Variants in TSPAN14 observed in about 807,000 individuals in gnomAD.
TSPAN14 encodes tetraspanin 14.
TSPAN14 carries 16 observed loss-of-function variants against 36.6 expected under a neutral mutation model. The observed-to-expected ratio is 0.44, with a 90% CI of 0.30 to 0.66. The LOEUF (loss-of-function observed/expected upper bound fraction) is 0.66. Among genes scored for constraint, TSPAN14 ranks in the 30% least tolerant of loss-of-function variants. The pLI, the probability that TSPAN14 is intolerant of heterozygous loss-of-function variation, is 0.12. For missense variants in TSPAN14, 231 were observed against 355.1 expected (o/e 0.65, Z 2.81); for synonymous variants, 139 against 143.8 (o/e 0.97, Z 0.24).
exon 9 of TSPAN14, chr10:80,521,078 C>T (rs1332226319): frequency 2.6e-5 from 8 of 312,262 alleles, no homozygotes; most frequent in Non-Finnish European, 5.0e-5. Flanking sequence ...CACAACCTTC[C>T]TGGAACGTGG....
rs1840529182 is a variant in TSPAN14 at position 80,509,962 on chromosome 10, G to C, written c.450+491G>C. The C allele has an allele frequency of 6.2e-6, 1 of 161,874 alleles. No individual in the cohort carries two copies. The highest frequency in any genetic ancestry group is 5.8e-5 in the Admixed American group (1 of 17,202). 10.0% of individuals were successfully genotyped at this position (161,874 alleles called of 1,614,324 possible). A position where few individuals can be genotyped will look rare whatever the true frequency, so the allele number is the denominator to read the frequency against. ...GCCAGGGCTGCCTGGAGGAAGCTTT[G>C]TCAGATCTAGTGGAATGTGACCTCC... On this transcript the variant is annotated intron_variant, in intron 5 of 8. Transcript: ENST00000429989. This position sits in a 1 kb window ranked among gnomAD's most constrained non-coding sequence, Gnocchi z 4.7.
chr10:80,466,352 C>T (rs1276721246), intron 1 of TSPAN14: 1 of 152,170 alleles, frequency 6.6e-6, no homozygotes, highest in Non-Finnish European at 1.5e-5. Context: ...CTCCCAGGCT[C>T]AAGTGATCCT....
chr10:80,465,978 C>T (rs1315199455), intron 1 of TSPAN14, among the ~76,000 whole-genome samples: 1 of 152,136 alleles, frequency 6.6e-6, no homozygotes, highest in African/African-American at 2.4e-5. Context: ...GAAGGCCACT[C>T]TCACCCGCTG....
intron 2 of TSPAN14, among the ~76,000 whole-genome samples, chr10:80,496,990 C>A (rs986056369): frequency 6.6e-6 from 1 of 151,982 alleles, no homozygotes; most frequent in Non-Finnish European, 1.5e-5. Flanking sequence ...TCTTGCCTAT[C>A]TAGTAACTTT....
chr10:80,512,768 A>C (rs1178306452), intron 6 of TSPAN14, among the ~76,000 whole-genome samples: 1 of 152,114 alleles, frequency 6.6e-6, no homozygotes, highest in African/African-American at 2.4e-5. Flanking sequence ...ATCTTGGCTC[A>C]CTGGAACCTC....
intron 3 of TSPAN14, 58 bp from the exon 4 acceptor site, chr10:80,507,170 C>T: frequency 6.2e-7 from 1 of 1,602,508 alleles, no homozygotes. Flanking sequence ...TCCCCCAGGG[C>T]AGCATCCTTG....
intron 5 of TSPAN14, among the ~76,000 whole-genome samples, chr10:80,510,449 T>C (rs1840554583): frequency 6.6e-6 from 1 of 152,236 alleles, no homozygotes; most frequent in Non-Finnish European, 1.5e-5. Context: ...CTTTCTTTTC[T>C]GTTCAGTGCC....
At chr10:80,520,882 C>T (rs754988255) in exon 9 of TSPAN14, 1 of 517,216 alleles carries the variant, frequency 1.9e-6, no homozygotes, top group Non-Finnish European at 4.0e-6. Flanking sequence ...GAGGCCCAGG[C>T]TCGCCAGTTC....
chr10:80,456,926 G>A (rs4934192), intron 1 of TSPAN14, among the ~76,000 whole-genome samples: 74,544 of 151,828 alleles, frequency 0.49, 19,005 homozygotes, highest in East Asian at 0.85. Flanking sequence ...GCTGGGCGTG[G>A]TGGCACATGC....
At chr10:80,514,033 C>T in exon 7 of TSPAN14, 1 of 1,613,922 alleles carries the variant, frequency 6.2e-7, no homozygotes, top group Non-Finnish European at 8.5e-7. Context: ...AAGTTGTGAA[C>T]ACACAGTGTG....
chr10:80,480,966 C>T (rs1012834475), intron 1 of TSPAN14, among the ~76,000 whole-genome samples: 5 of 151,858 alleles, frequency 3.3e-5, no homozygotes, highest in Non-Finnish European at 5.9e-5. Context: ...ATTAGCTGGG[C>T]GTGGTGGTGC....
At chr10:80,502,287 C>T (rs980712128) in intron 2 of TSPAN14, among the ~76,000 whole-genome samples, 1 of 152,072 alleles carries the variant, frequency 6.6e-6, no homozygotes, top group Non-Finnish European at 1.5e-5. Flanking sequence ...CTGCAGAGGC[C>T]CTTGGGGGCC....
chr10:80,469,731 A>G (rs1478845025), intron 1 of TSPAN14, among the ~76,000 whole-genome samples: 1 of 152,038 alleles, frequency 6.6e-6, no homozygotes, highest in East Asian at 1.9e-4. Flanking sequence ...ACTGGGCTTC[A>G]CTTTTCATGG....
chr10:80,468,205 G>A (rs1015727550), intron 1 of TSPAN14, among the ~76,000 whole-genome samples: 1 of 152,040 alleles, frequency 6.6e-6, no homozygotes, highest in Non-Finnish European at 1.5e-5. Flanking sequence ...TGCCTACCAG[G>A]CCCCCCTGTG....
At chr10:80,512,400 C>T in intron 6 of TSPAN14, 131 bp downstream of exon 6, 1 of 1,330,016 alleles carries the variant, frequency 7.5e-7, no homozygotes, top group Non-Finnish European at 1.0e-6. Context: ...TTCTCCACAC[C>T]CTCCTCAAGG....
exon 8 of TSPAN14, chr10:80,516,221 T>C (rs777777488): frequency 6.2e-7 from 1 of 1,614,202 alleles, no homozygotes; most frequent in African/African-American, 1.3e-5. Flanking sequence ...GCAAGTGGGA[T>C]GAGTCCATCT....
At chr10:80,465,180 C>T (rs1056552279) in intron 1 of TSPAN14, among the ~76,000 whole-genome samples, 41 of 152,160 alleles carry the variant, frequency 2.7e-4, no homozygotes, top group African/African-American at 8.7e-4. Context: ...TGAGTTCTGC[C>T]GAGTCTTCCC....
intron 3 of TSPAN14, among the ~76,000 whole-genome samples, chr10:80,506,180 C>T (rs182459466): frequency 3.3e-5 from 5 of 152,200 alleles, no homozygotes; most frequent in African/African-American, 1.2e-4. Context: ...GCCATGTTGG[C>T]CAGGCAGGTC....
chr10:80,460,499 T>A (rs1383821693), intron 1 of TSPAN14, among the ~76,000 whole-genome samples: 1 of 152,170 alleles, frequency 6.6e-6, no homozygotes, highest in Non-Finnish European at 1.5e-5. Context: ...TCTGTCAGTA[T>A]CCCGTGGTTG....
Sources: gnomAD v4.1 joint callset for allele counts (sites outside exome capture counted in the v4.1 genomes callset) on GRCh38, gnomAD v4.1.1 for gene constraint, Gnocchi (gnomAD v3.1) non-coding constraint, MANE v1.5 for transcripts, NCBI Gene and HGNC (gene_info 2026-07-23, HGNC 2026-07-21) for gene names.